The following ABL1 variants were observed in gnomAD, a reference collection of about 807,000 sequenced individuals.
The protein encoded by ABL1 is tyrosine-protein kinase ABL1.
A neutral mutation model predicts 94.7 loss-of-function variants in ABL1; 11 were observed. The ratio of observed to expected loss-of-function variants is 0.12; its 90% CI spans 0.07 to 0.19. The LOEUF (loss-of-function observed/expected upper bound fraction) is 0.19. Ranked by LOEUF, ABL1 falls within the 10% of genes least tolerant of loss-of-function variation. The probability of loss-of-function intolerance (pLI) is 1.00; values close to 1 mark genes in which losing one functional copy is unlikely to be tolerated. For missense variants in ABL1, 1,082 were observed against 1,489.4 expected (o/e 0.73, Z 4.50); for synonymous variants, 656 against 622.4 (o/e 1.05, Z -0.80).
chr9:130,721,003 CA>C (rs369874774), intron 1 of ABL1, among the ~76,000 whole-genome samples: 31,628 of 139,382 alleles, frequency 0.23, 3,518 homozygotes, highest in Middle Eastern at 0.4. Flanking sequence ...GACCCTGTCT[CA>C]AAAAAAAAAA....
At chr9:130,878,367 G>A in intron 7 of ABL1, 48 bp from the exon 8 acceptor site, 1 of 1,604,350 alleles carries the variant, frequency 6.2e-7, no homozygotes. Flanking sequence ...GTAGTGTAGT[G>A]AAATGCTACA....
At chr9:130,754,095 A>G (rs943945630) in intron 1 of ABL1, among the ~76,000 whole-genome samples, 5 of 151,306 alleles carry the variant, frequency 3.3e-5, no homozygotes, top group African/African-American at 9.7e-5. Flanking sequence ...AATCTCAGCT[A>G]CTTGGGAGGC....
At chr9:130,845,259 A>C (rs932990358) in intron 1 of ABL1, among the ~76,000 whole-genome samples, 1 of 152,176 alleles carries the variant, frequency 6.6e-6, no homozygotes, top group East Asian at 1.9e-4. Flanking sequence ...AATCTTTTAC[A>C]TGACAATGTC....
intron 1 of ABL1, among the ~76,000 whole-genome samples, chr9:130,760,901 G>C (rs184992861): frequency 3.4e-5 from 5 of 146,908 alleles, no homozygotes; most frequent in Non-Finnish European, 7.4e-5. Flanking sequence ...TCTTGACCTC[G>C]TGGTCAGCCC....
At chr9:130,714,431 C>G in exon 1 of ABL1, 1 of 1,614,154 alleles carries the variant, frequency 6.2e-7, no homozygotes, top group African/African-American at 1.3e-5. Context: ...TGGGGGTCCA[C>G]ACTGCAATGT....
rs377657490 is a variant in ABL1, at chr9:130,878,561, C to G, written c.1417C>G (p.Arg473Gly). 3.7e-6 allele frequency: 6 copies of G among 1,614,088 alleles called. No individual in the cohort carries two copies. The African/African-American group carries it at 5.3e-5, about 14-fold the overall frequency. The change falls in exon 8 of 11, where the codon CGA becomes GGA. Residue 473 changes from arginine to glycine, a missense_variant. Arg to Gly is a moderately radical substitution (Grantham distance 125). Around this residue, in one of 7 missense-constraint regions of ABL1, gnomAD observed 76 missense variants for 177.1 expected, o/e 0.43. Transcript: ENST00000318560. ...CCCAGAGAAGGTCTATGAACTCATG[C>G]GAGCATGTAAGCCTTCCTCAGCCTG... Reference protein sequence around the residue: ...GCPEKVYELMRACWQWNPSDR... With the variant: ...GCPEKVYELMGACWQWNPSDR...
intron 1 of ABL1, among the ~76,000 whole-genome samples, chr9:130,727,112 G>GA (rs1246824276): frequency 6.6e-6 from 1 of 152,026 alleles, no homozygotes; most frequent in East Asian, 1.9e-4. Context: ...ATTTGTAGTT[G>GA]AAAAAAGTTT....
intron 1 of ABL1, among the ~76,000 whole-genome samples, chr9:130,754,763 G>A (rs1041352471): frequency 3.9e-5 from 6 of 152,096 alleles, no homozygotes; most frequent in Non-Finnish European, 8.8e-5. Context: ...TTTGAATACC[G>A]TGCGGGGCTT....
intron 10 of ABL1, among the ~76,000 whole-genome samples, chr9:130,882,171 G>A (rs1481565105): frequency 3.9e-5 from 6 of 152,122 alleles, no homozygotes; most frequent in South Asian, 2.1e-4. Context: ...CTCTGGGAAC[G>A]CTGTGCTTAT....
chr9:130,731,989 T>C (rs1831672204), intron 1 of ABL1, among the ~76,000 whole-genome samples: 3 of 152,164 alleles, frequency 2.0e-5, no homozygotes, highest in Admixed American at 6.6e-5. Context: ...AAATACCTGC[T>C]GCTTCTTTCC....
chr9:130,751,427 A>G (rs1831965744), intron 1 of ABL1, among the ~76,000 whole-genome samples: 2 of 151,790 alleles, frequency 1.3e-5, no homozygotes, highest in Non-Finnish European at 2.9e-5. Context: ...ACAGGCATGA[A>G]CCACCGCGCC....
chr9:130,730,046 C>CTT (rs138446676), intron 1 of ABL1, among the ~76,000 whole-genome samples: 13 of 107,178 alleles, frequency 1.2e-4, no homozygotes, highest in South Asian at 5.9e-4. Flanking sequence ...CCCAGCCAGA[C>CTT]TTTTTTTTTT....
At chr9:130,750,951 G>A (rs1451179965) in intron 1 of ABL1, among the ~76,000 whole-genome samples, 1 of 151,202 alleles carries the variant, frequency 6.6e-6, no homozygotes, top group East Asian at 2.0e-4. Flanking sequence ...GGCCTACATG[G>A]CTCTTTTTCT....
At chr9:130,715,841 A>G (rs994971112) in intron 1 of ABL1, among the ~76,000 whole-genome samples, 2 of 152,096 alleles carry the variant, frequency 1.3e-5, no homozygotes, top group African/African-American at 4.8e-5. Flanking sequence ...TGAGAGGCTA[A>G]AACTATTTTC....
intron 1 of ABL1, among the ~76,000 whole-genome samples, chr9:130,789,919 A>T (rs1016033933): frequency 6.6e-6 from 1 of 152,232 alleles, no homozygotes; most frequent in African/African-American, 2.4e-5. Context: ...GCTCAGAGAT[A>T]TAGTGAGAAG....
intron 1 of ABL1, among the ~76,000 whole-genome samples, chr9:130,853,476 G>C (rs1052840535): frequency 6.7e-6 from 1 of 150,196 alleles, no homozygotes; most frequent in African/African-American, 2.5e-5. Context: ...GTGCAGTGGC[G>C]CAATCTCTGC....
At chr9:130,787,276 T>A (rs187244168) in intron 1 of ABL1, among the ~76,000 whole-genome samples, 387 of 152,292 alleles carry the variant, frequency 2.5e-3, no homozygotes, top group Non-Finnish European at 3.9e-3. Flanking sequence ...ACTGTGTGCC[T>A]GGACTTCAGG....
chr9:130,733,606 GT>G (rs1831694545), intron 1 of ABL1, among the ~76,000 whole-genome samples: 1 of 122,230 alleles, frequency 8.2e-6, no homozygotes, highest in Non-Finnish European at 1.6e-5. Flanking sequence ...TTGAGACAGA[GT>G]CTCACTCGTT....
At chr9:130,732,457 T>C (rs1055659902) in intron 1 of ABL1, among the ~76,000 whole-genome samples, 6 of 152,188 alleles carry the variant, frequency 3.9e-5, no homozygotes, top group African/African-American at 1.2e-4. Context: ...CCTTTATCTA[T>C]AATAGCTTGC....
Sources: gnomAD v4.1 joint callset for allele counts (sites outside exome capture counted in the v4.1 genomes callset) on GRCh38, gnomAD v4.1.1 for gene constraint, gnomAD v4.1.1 regional missense constraint, MANE v1.5 for transcripts, NCBI Gene and HGNC (gene_info 2026-07-23, HGNC 2026-07-21) for gene names.